NFIA: variants seen among roughly 807,000 people sequenced by gnomAD.
NFIA encodes the protein nuclear factor 1 A-type.
In NFIA, 8 loss-of-function variants were observed where a neutral mutation model predicts 62.8. The observed-to-expected ratio is 0.13, with a 90% CI of 0.07 to 0.23. NFIA has a LOEUF of 0.23. NFIA is among the 10% of genes least tolerant of loss of function. The probability of loss-of-function intolerance (pLI) is 1.00; values close to 1 mark genes in which losing one functional copy is unlikely to be tolerated. For missense variants in NFIA, 410 were observed against 642.1 expected, an observed-to-expected ratio of 0.64 and a Z score of 3.91; for synonymous variants, 235 against 238.1, an observed-to-expected ratio of 0.99 and a Z score of 0.12.
At chr1:61,395,228 T>C (rs893251441) in intron 7 of NFIA, among the ~76,000 whole-genome samples, 2 of 151,836 alleles carry the variant, frequency 1.3e-5, no homozygotes, top group Non-Finnish European at 1.5e-5. Flanking sequence ...AAATAACCCA[T>C]GGCTTTATGT....
At chr1:61,191,477 C>G (rs1463774613) in intron 2 of NFIA, among the ~76,000 whole-genome samples, 1 of 152,098 alleles carries the variant, frequency 6.6e-6, no homozygotes, top group African/African-American at 2.4e-5. Flanking sequence ...TCCTCCCTTT[C>G]CCAGCACCAT....
intron 2 of NFIA, among the ~76,000 whole-genome samples, chr1:61,201,241 A>C (rs549601481): frequency 3.9e-4 from 60 of 152,278 alleles, no homozygotes; most frequent in African/African-American, 1.4e-3. Context: ...TAATTTTATG[A>C]GCCATTGTAC....
intron 9 of NFIA, among the ~76,000 whole-genome samples, chr1:61,418,654 C>T (rs1467257304): frequency 3.3e-5 from 5 of 152,086 alleles, no homozygotes; most frequent in Non-Finnish European, 7.4e-5. Context: ...TTATTAATGG[C>T]TGCAAAATAT....
rs1028521418 is a variant in NFIA, at chr1:61,379,100, G to A, written c.947-4137G>A. Among the ~76,000 whole-genome samples, 9 of 151,946 alleles carry A rather than the reference G, an allele frequency of 5.9e-5. No individual in the cohort carries two copies. The East Asian group carries it at 1.5e-3, about 26-fold the overall frequency. On this transcript the variant is annotated intron_variant, in intron 6 of 10. Transcript: ENST00000403491. ...ACCTAATCAATATAATCACCTTTGC[G>A]GTATAATATAACCTATTCACAAGAA...
chr1:61,332,164 T>C (rs780934764), intron 3 of NFIA, among the ~76,000 whole-genome samples: 21 of 152,254 alleles, frequency 1.4e-4, no homozygotes, highest in Non-Finnish European at 4.4e-5. Context: ...GCTCTCCTAG[T>C]GATTCTTAGA....
At chr1:61,158,078 T>C (rs1448906216) in intron 2 of NFIA, among the ~76,000 whole-genome samples, 2 of 152,214 alleles carry the variant, frequency 1.3e-5, no homozygotes, top group Non-Finnish European at 2.9e-5. Flanking sequence ...TATGACACAT[T>C]ATCTCAGATA....
intron 3 of NFIA, among the ~76,000 whole-genome samples, chr1:61,315,994 A>G (rs1454340250): frequency 2.6e-5 from 4 of 152,180 alleles, no homozygotes; most frequent in Admixed American, 1.3e-4. Context: ...CTTCTCAGCA[A>G]CAACAAAAGG....
intron 3 of NFIA, among the ~76,000 whole-genome samples, chr1:61,320,666 T>C (rs183173414): frequency 3.7e-4 from 57 of 152,298 alleles, no homozygotes; most frequent in Non-Finnish European, 6.6e-4. Flanking sequence ...CCCCTGGCTA[T>C]CTACTTTCAT....
At chr1:61,257,099 T>A (rs1036457640) in intron 2 of NFIA, among the ~76,000 whole-genome samples, 4 of 152,106 alleles carry the variant, frequency 2.6e-5, no homozygotes, top group Non-Finnish European at 5.9e-5. Flanking sequence ...TTTATGTTTT[T>A]CAAGATCGGT....
At chr1:61,273,247 T>C (rs577700895) in intron 2 of NFIA, among the ~76,000 whole-genome samples, 2 of 152,280 alleles carry the variant, frequency 1.3e-5, no homozygotes, top group South Asian at 4.1e-4. Context: ...GTGTGAAATA[T>C]TCCTCCATCA....
At chr1:61,206,333 G>A (rs2100597306) in intron 2 of NFIA, among the ~76,000 whole-genome samples, 1 of 152,258 alleles carries the variant, frequency 6.6e-6, no homozygotes, top group Non-Finnish European at 1.5e-5. Flanking sequence ...CAGATTGGAT[G>A]CAGAGTTTCT....
rs146233489 is a variant in NFIA, at chr1:61,255,645, T to C, written c.560-21875T>C. Among the ~76,000 whole-genome samples, 51 of 152,294 alleles carry C rather than the reference T, an allele frequency of 3.3e-4. 1 individual carries two copies. The East Asian group carries it at 9.8e-3, about 29-fold the overall frequency. ...AGACTCAAAATCTTTTACGAGTAGA[T>C]TTTTATTGTGTTCCATAGTGGAAAT... On this transcript the variant is annotated intron_variant, in intron 2 of 10. Transcript: ENST00000403491.
intron 2 of NFIA, among the ~76,000 whole-genome samples, chr1:61,226,221 A>C (rs1276509389): frequency 6.6e-6 from 1 of 152,236 alleles, no homozygotes; most frequent in African/African-American, 2.4e-5. Flanking sequence ...GACGTTAAGC[A>C]GCCACTTGGT....
intron 8 of NFIA, among the ~76,000 whole-genome samples, chr1:61,404,523 C>A (rs943650857): frequency 2.6e-5 from 4 of 152,146 alleles, no homozygotes; most frequent in African/African-American, 9.7e-5. Context: ...TAAATCAGCT[C>A]AAGGGTGAAC....
At chr1:61,198,912 C>T (rs1036111582) in intron 2 of NFIA, among the ~76,000 whole-genome samples, 4 of 152,178 alleles carry the variant, frequency 2.6e-5, no homozygotes, top group South Asian at 2.1e-4. Flanking sequence ...CTCACCACCC[C>T]GGCTTGCCCC....
At chr1:61,254,004 C>T (rs138119166) in intron 2 of NFIA, among the ~76,000 whole-genome samples, 5 of 151,790 alleles carry the variant, frequency 3.3e-5, no homozygotes, top group African/African-American at 7.2e-5. Context: ...TTTGTTGTTA[C>T]TGGTGGTGGT....
At chr1:61,203,825 G>A (rs890594565) in intron 2 of NFIA, among the ~76,000 whole-genome samples, 24 of 152,112 alleles carry the variant, frequency 1.6e-4, no homozygotes, top group Non-Finnish European at 2.4e-4. Context: ...AAAAGAAATC[G>A]ACTTTAGTAG....
At chr1:61,113,095 C>A (rs958363445) in intron 2 of NFIA, among the ~76,000 whole-genome samples, 1 of 151,878 alleles carries the variant, frequency 6.6e-6, no homozygotes, top group African/African-American at 2.4e-5. Flanking sequence ...TATAGCTAAT[C>A]CTAATTTATT....
intron 2 of NFIA, among the ~76,000 whole-genome samples, chr1:61,192,308 A>G (rs1324022708): frequency 6.6e-6 from 1 of 152,184 alleles, no homozygotes; most frequent in African/African-American, 2.4e-5. Flanking sequence ...TTTGAAGCAT[A>G]TTAGAAATAA....
Sources: gnomAD v4.1 joint callset for allele counts (sites outside exome capture counted in the v4.1 genomes callset) on GRCh38, gnomAD v4.1.1 for gene constraint, MANE v1.5 for transcripts, NCBI Gene and HGNC (gene_info 2026-07-23, HGNC 2026-07-21) for gene names.